The following KDM4B variants were observed in gnomAD, a reference collection of about 807,000 sequenced individuals.
KDM4B encodes the protein lysine-specific demethylase 4B.
KDM4B carries 32 observed loss-of-function variants against 125.2 expected under a neutral mutation model. That is an observed-to-expected ratio of 0.26 (90% CI 0.19 to 0.34). The LOEUF (loss-of-function observed/expected upper bound fraction) is 0.34. KDM4B is among the 10% of genes least tolerant of loss of function. The probability of loss-of-function intolerance (pLI) is 1.00; values close to 1 mark genes in which losing one functional copy is unlikely to be tolerated. For missense variants in KDM4B, 1,190 were observed against 1,577.7 expected, an observed-to-expected ratio of 0.75 and a Z score of 4.16; for synonymous variants, 721 against 677.9, an observed-to-expected ratio of 1.06 and a Z score of -0.99.
chr19:5,090,410 CCCTCT>C (rs1161632401), intron 9 of KDM4B, among the ~76,000 whole-genome samples: 33 of 78,712 alleles, frequency 4.2e-4, no homozygotes, highest in East Asian at 3.3e-3. Flanking sequence ...CTCTCTCTCC[CCCTCT>C]CCCCCTCTGT....
chr19:5,112,631 C>CT (rs1474715019), intron 10 of KDM4B: 2 of 152,338 alleles, frequency 1.3e-5, no homozygotes, highest in African/African-American at 4.8e-5. Context: ...ACACGTCCAT[C>CT]TGTCTGTGAG....
In KDM4B at chr19:5,040,656, C is replaced by T. The variant is rs570657623; in HGVS notation, c.318-481C>T. Reference sequence around the variant, plus strand: ...GCCTCCGTGCTGCGCAGGCCTGTCCCGTCGCCGTGCCCTCCTCTCTGTCTG... The same window carrying T: ...GCCTCCGTGCTGCGCAGGCCTGTCCTGTCGCCGTGCCCTCCTCTCTGTCTG... On this transcript the variant is annotated intron_variant, in intron 4 of 22. Transcript: ENST00000159111. Among the ~76,000 whole-genome samples the T allele has an allele frequency of 1.5e-4, 17 of 113,828 alleles. No homozygotes were observed. The East Asian group carries it at 5.9e-3, about 40-fold the overall frequency. The allele number at this position is 113,828 out of a possible 152,430, so 74.7% of individuals were successfully genotyped here.
chr19:4,977,863 A>AG (rs1568201341), intron 1 of KDM4B, among the ~76,000 whole-genome samples: 1 of 152,046 alleles, frequency 6.6e-6, no homozygotes, highest in Non-Finnish European at 1.5e-5. Context: ...GCCCTGAGTG[A>AG]GGGGGCGCCA....
chr19:5,134,309 G>A lies in KDM4B; in HGVS notation c.2085+248G>A, dbSNP rs549987813. On this transcript the variant is annotated intron_variant, in intron 14 of 22. Transcript: ENST00000159111. ...GGTGGATGGGGCAGAGGGAGGCTGC[G>A]GAGGCTCGGGGTCACTGCCCTCAGG... Among the ~76,000 whole-genome samples, 7 of 152,292 alleles carry A rather than the reference G, an allele frequency of 4.6e-5. No homozygotes were observed. The South Asian group carries it at 1.0e-3, about 23-fold the overall frequency.
intron 3 of KDM4B, among the ~76,000 whole-genome samples, chr19:5,036,396 C>G (rs2036627384): frequency 6.6e-6 from 1 of 152,242 alleles, no homozygotes; most frequent in South Asian, 2.1e-4. Context: ...TGCAGGAAGC[C>G]TTCCACTGGA....
chr19:5,065,341 G>T (rs987091808), intron 6 of KDM4B, among the ~76,000 whole-genome samples: 2 of 152,220 alleles, frequency 1.3e-5, no homozygotes, highest in Admixed American at 1.3e-4. Flanking sequence ...GACGGCCTGT[G>T]TTCCCTTTCC....
chr19:5,026,847 G>T (rs115864526), intron 2 of KDM4B, among the ~76,000 whole-genome samples: 2,102 of 152,280 alleles, frequency 0.014, 54 homozygotes, highest in African/African-American at 0.047. Flanking sequence ...CCCTACCCCT[G>T]CCCTGGTGTC....
chr19:5,057,895 C>A (rs1314008678), intron 6 of KDM4B, among the ~76,000 whole-genome samples: 6 of 152,238 alleles, frequency 3.9e-5, no homozygotes. Flanking sequence ...TGTTGTGGGA[C>A]ATGGAGATGA....
In KDM4B at chr19:5,082,848, G is replaced by GT. The variant is rs1430415740; in HGVS notation, c.918+345dup. On this transcript the variant is annotated intron_variant, in intron 9 of 22. Coordinates refer to ENST00000159111, the MANE Select transcript of KDM4B (RefSeq NM_015015.3). This position sits in a 1 kb window ranked among gnomAD's most constrained non-coding sequence, Gnocchi z 5.4. ...GGGTGTTTCCTCCACCAGCACCATTGTCCCCCCTGCTGGCTGGCTCCTGGG... is the reference window on the plus strand; with the variant it reads ...GGGTGTTTCCTCCACCAGCACCATTGTTCCCCCCTGCTGGCTGGCTCCTGGG... Among the ~76,000 whole-genome samples the GT allele has an allele frequency of 6.6e-6, 1 of 151,022 alleles. No individual in the cohort carries two copies. Among genetic ancestry groups the GT allele is most frequent in the Non-Finnish European group, 1.5e-5 (1 of 67,402 alleles).
rs1351992197 is a variant in KDM4B, at chr19:5,137,328, C to A, written c.2375C>A (p.Ala792Asp). 7 of 1,570,156 alleles carry A rather than the reference C, an allele frequency of 4.5e-6. No individual in the cohort carries two copies. Among genetic ancestry groups the A allele is most frequent in the Middle Eastern group, 3.3e-4 (2 of 6,008 alleles). ...GWTCSRCAAH[A>D]WTAECCLCNL... ...ACGTGTTCCCGGTGCGCGGCCCACG[C>A]CTGGACTGCGGTAACTCGCTCCCCG... The change falls in exon 16 of 23, where the codon GCC (alanine) becomes GAC (aspartate). Residue 792 changes from alanine to aspartate, a missense_variant. Around this residue, in one of 7 missense-constraint regions of KDM4B, gnomAD observed 298 missense variants for 439.7 expected, o/e 0.68. Coordinates refer to ENST00000159111, the MANE Select transcript of KDM4B (RefSeq NM_015015.3).
chr19:5,052,942 C>G (rs922928303), intron 6 of KDM4B, among the ~76,000 whole-genome samples: 10 of 152,152 alleles, frequency 6.6e-5, no homozygotes, highest in African/African-American at 2.2e-4. Context: ...AAGGCATGGC[C>G]CCCCTCAGTG....
In KDM4B at chr19:5,062,682, G is replaced by A. The variant is rs150340010; in HGVS notation, c.627-8328G>A. On this transcript the variant is annotated intron_variant, in intron 6 of 22. Coordinates refer to ENST00000159111, the MANE Select transcript of KDM4B (RefSeq NM_015015.3). ...ACTTTTTTTTTTAATTAAAAATTCT[G>A]CCACCTTGCTGGGCTGTGTTTAATT... Among the ~76,000 whole-genome samples, 213 of 150,686 alleles carry A rather than the reference G, an allele frequency of 1.4e-3. 2 individuals are homozygous for A. In the East Asian group the frequency reaches 0.035, roughly 25 times the overall value.
At chr19:5,132,720 C>T (rs963005575) in intron 13 of KDM4B, among the ~76,000 whole-genome samples, 1 of 145,174 alleles carries the variant, frequency 6.9e-6, no homozygotes, top group Non-Finnish European at 1.5e-5. Flanking sequence ...CGTGGACTCC[C>T]CCACTCCCCA....
At chr19:5,092,222 C>T (rs945805098) in intron 9 of KDM4B, among the ~76,000 whole-genome samples, 4 of 152,152 alleles carry the variant, frequency 2.6e-5, no homozygotes, top group Admixed American at 1.3e-4. Context: ...ACATTGGGGC[C>T]GTATCCTTCT....
intron 6 of KDM4B, among the ~76,000 whole-genome samples, chr19:5,052,032 C>T (rs1390030869): frequency 1.3e-5 from 2 of 152,002 alleles, no homozygotes; most frequent in Non-Finnish European, 2.9e-5. Flanking sequence ...TGCTATGAGC[C>T]AGACCCTCCT....
At chr19:4,999,355 C>G (rs941671948) in intron 1 of KDM4B, among the ~76,000 whole-genome samples, 2 of 152,158 alleles carry the variant, frequency 1.3e-5, no homozygotes, top group Non-Finnish European at 2.9e-5. Flanking sequence ...CCACCCTGCT[C>G]GGAGCACTTC....
intron 2 of KDM4B, among the ~76,000 whole-genome samples, chr19:5,022,613 C>T (rs924895499): frequency 6.6e-6 from 1 of 152,186 alleles, no homozygotes; most frequent in Non-Finnish European, 1.5e-5. Context: ...GCCACCCCCA[C>T]GGATGGTCCC....
At chr19:5,150,790 G>A (rs2039933437) in intron 22 of KDM4B, among the ~76,000 whole-genome samples, 1 of 152,198 alleles carries the variant, frequency 6.6e-6, no homozygotes, top group South Asian at 2.1e-4. Flanking sequence ...CCTGCACAGG[G>A]CGGCCTCTGA....
chr19:5,151,193 C>G lies in KDM4B; in HGVS notation c.3115-142C>G, dbSNP rs942897317. 22 of 715,884 alleles carry G rather than the reference C, an allele frequency of 3.1e-5. No homozygotes were observed. In the East Asian group the frequency reaches 7.5e-4, roughly 24 times the overall value. The allele number at this position is 715,884 out of a possible 1,614,324, so 44.3% of individuals were successfully genotyped here. A position where few individuals can be genotyped will look rare whatever the true frequency, so the allele number is the denominator to read the frequency against. On this transcript the variant is annotated intron_variant, in intron 22 of 22. Transcript: ENST00000159111. ...TGGCAGGATCAGGGGTTTACAAACA[C>G]GAAAACAGGAGCCTGCTGAGCAGCC...
Sources: allele counts gnomAD v4.1 joint callset (sites outside exome capture counted in the v4.1 genomes callset), GRCh38; gene constraint gnomAD v4.1.1; regional missense constraint gnomAD v4.1.1; non-coding constraint Gnocchi (gnomAD v3.1); transcripts MANE v1.5; gene names NCBI Gene and HGNC (gene_info 2026-07-23, HGNC 2026-07-21).